The following POLR3B variants were observed in gnomAD, a reference collection of about 807,000 sequenced individuals.
POLR3B encodes DNA-directed RNA polymerase III subunit RPC2.
POLR3B carries 96 observed loss-of-function variants against 147.4 expected under a neutral mutation model. The ratio of observed to expected loss-of-function variants is 0.65; its 90% CI spans 0.55 to 0.77. The LOEUF is 0.77. POLR3B is among the 30% of genes least tolerant of loss of function. POLR3B has a pLI of 0.00. For missense variants in POLR3B, 1,036 were observed against 1,413.5 expected, an observed-to-expected ratio of 0.73 and a Z score of 4.28; for synonymous variants, 461 against 485.9, an observed-to-expected ratio of 0.95 and a Z score of 0.67.
At chr12:106,509,382 G>C in intron 27 of POLR3B, 38 bp from the exon 28 acceptor site, 1 of 1,611,814 alleles carries the variant, frequency 6.2e-7, no homozygotes, top group Non-Finnish European at 8.5e-7. Flanking sequence ...TTGTTTCCGA[G>C]TTGCTGTCTG....
At chr12:106,401,918 C>G (rs2037073891) in intron 10 of POLR3B, among the ~76,000 whole-genome samples, 3 of 152,208 alleles carry the variant, frequency 2.0e-5, no homozygotes, top group Non-Finnish European at 4.4e-5. Flanking sequence ...GGGATGCCCT[C>G]TCTCACCACT....
chr12:106,374,709 G>C (rs2036654735), intron 6 of POLR3B, among the ~76,000 whole-genome samples: 1 of 151,970 alleles, frequency 6.6e-6, no homozygotes, highest in Non-Finnish European at 1.5e-5. Flanking sequence ...GTAGAGATGG[G>C]GTTTCACCAC....
chr12:106,414,110 A>C (rs116075459), intron 12 of POLR3B, among the ~76,000 whole-genome samples: 38,061 of 150,012 alleles, frequency 0.25, 5,455 homozygotes, highest in African/African-American at 0.39. Context: ...ATATGCCATT[A>C]ATTATCAGGT....
chr12:106,411,184 G>A (rs1457754688), intron 12 of POLR3B, among the ~76,000 whole-genome samples: 3 of 151,972 alleles, frequency 2.0e-5, no homozygotes, highest in Non-Finnish European at 4.4e-5. Context: ...GGTTGCCCAG[G>A]CTGGAGTGCA....
At chr12:106,477,440 A>G (rs2038189817) in intron 23 of POLR3B, among the ~76,000 whole-genome samples, 1 of 140,864 alleles carries the variant, frequency 7.1e-6, no homozygotes, top group African/African-American at 2.8e-5. Context: ...AGCCTGGGCA[A>G]TGGCGGGCGC....
chr12:106,506,072 C>T (rs559511895), intron 27 of POLR3B, among the ~76,000 whole-genome samples: 1 of 152,226 alleles, frequency 6.6e-6, no homozygotes, highest in African/African-American at 2.4e-5. Context: ...TGACATGATT[C>T]CAAGGATAAG....
rs2038651860 is a variant in POLR3B, at chr12:106,504,356, C to A, written c.3272+102C>A. 1 of 932,146 alleles carries A rather than the reference C, an allele frequency of 1.1e-6. No homozygotes were observed. The highest frequency in any genetic ancestry group is 1.3e-5 in the South Asian group (1 of 76,166). 57.7% of individuals were successfully genotyped at this position (932,146 alleles called of 1,614,324 possible). A position where few individuals can be genotyped will look rare whatever the true frequency, so the allele number is the denominator to read the frequency against. ...TATCCGCATATTCTCCAGCCTCTGT[C>A]TGTGATCACTAACATACCCTCCCTC... On this transcript the variant is annotated intron_variant, in intron 27 of 27. Coordinates refer to ENST00000228347, the MANE Select transcript of POLR3B (RefSeq NM_018082.6). The surrounding 1 kb of genome is among the most constrained non-coding windows in gnomAD (Gnocchi z 4.6).
At chr12:106,482,275 T>C (rs1238777966) in intron 23 of POLR3B, among the ~76,000 whole-genome samples, 1 of 152,236 alleles carries the variant, frequency 6.6e-6, no homozygotes, top group Non-Finnish European at 1.5e-5. Flanking sequence ...ATTGTATATG[T>C]TGTTAAATAT....
intron 23 of POLR3B, among the ~76,000 whole-genome samples, chr12:106,472,436 A>T (rs1037338800): frequency 1.4e-4 from 21 of 148,274 alleles, no homozygotes; most frequent in Admixed American, 6.7e-4. Context: ...AGGAATCGCC[A>T]CACTGACTTC....
chr12:106,367,186 A>G (rs2036546476), intron 4 of POLR3B, among the ~76,000 whole-genome samples: 1 of 152,256 alleles, frequency 6.6e-6, no homozygotes, highest in Admixed American at 6.5e-5. Flanking sequence ...GGCAAATTAT[A>G]ATGAGCTATG....
chr12:106,443,640 C>A (rs2037682817), intron 18 of POLR3B, among the ~76,000 whole-genome samples: 1 of 151,238 alleles, frequency 6.6e-6, no homozygotes, highest in South Asian at 2.1e-4. Flanking sequence ...GCCTCAGCCT[C>A]CAGAGTAGCT....
chr12:106,376,122 AGG>A (rs1451835819), intron 6 of POLR3B, among the ~76,000 whole-genome samples: 3 of 152,212 alleles, frequency 2.0e-5, no homozygotes, highest in Non-Finnish European at 2.9e-5. Context: ...CTGGGATTAT[AGG>A]CATGAGCCAC....
At chr12:106,387,599 A>G (rs140175308) in intron 9 of POLR3B, among the ~76,000 whole-genome samples, 39 of 152,278 alleles carry the variant, frequency 2.6e-4, no homozygotes, top group African/African-American at 8.9e-4. Context: ...GGTCACTTTT[A>G]TTGGTCTCCC....
In POLR3B at chr12:106,454,588, A is replaced by C. The variant is rs754023038; in HGVS notation, c.2170A>C (p.Thr724Pro). The change falls in exon 20 of 28, where the codon ACC becomes CCC. Residue 724 changes from threonine to proline, a missense_variant. By Grantham distance (38) the Thr-to-Pro change is conservative (BLOSUM62 -1). Around this residue, in one of 12 missense-constraint regions of POLR3B, gnomAD observed 202 missense variants for 272.8 expected, o/e 0.74. Coordinates refer to ENST00000228347, the MANE Select transcript of POLR3B (RefSeq NM_018082.6). ...YPQKPMVKTK[T>P]IELIEFEKLP... ...ACAAAAACCCATGGTTAAGACAAAAACCATTGAATTGATAGAATTTGAGAA... is the reference window on the plus strand; with the variant it reads ...ACAAAAACCCATGGTTAAGACAAAACCCATTGAATTGATAGAATTTGAGAA... The C allele has an allele frequency of 2.5e-6, 4 of 1,608,956 alleles. No homozygotes were observed. In the South Asian group the frequency reaches 4.4e-5, roughly 18 times the overall value.
chr12:106,431,584 T>C (rs1220348767), intron 14 of POLR3B, among the ~76,000 whole-genome samples: 1 of 152,216 alleles, frequency 6.6e-6, no homozygotes, highest in East Asian at 1.9e-4. Context: ...ATTTTAGATA[T>C]ACAAAAAAGT....
chr12:106,408,719 A>G (rs2037181742), intron 11 of POLR3B, among the ~76,000 whole-genome samples: 1 of 152,210 alleles, frequency 6.6e-6, no homozygotes, highest in Non-Finnish European at 1.5e-5. Flanking sequence ...TCCACAGGTT[A>G]GTATCCCACA....
At chr12:106,483,237 T>A (rs1272608732) in intron 23 of POLR3B, among the ~76,000 whole-genome samples, 1 of 152,184 alleles carries the variant, frequency 6.6e-6, no homozygotes, top group Non-Finnish European at 1.5e-5. Flanking sequence ...CCCATATAAG[T>A]GGACCTGCAC....
chr12:106,426,222 T>TG (rs1555213087), intron 12 of POLR3B, among the ~76,000 whole-genome samples: 1,631 of 131,214 alleles, frequency 0.012, 11 homozygotes, highest in Non-Finnish European at 0.018. Flanking sequence ...GGCCTGCAAT[T>TG]TGTGTGTGTG....
chr12:106,406,108 C>G, intron 11 of POLR3B, 132 bp downstream of exon 11: 1 of 883,980 alleles, frequency 1.1e-6, no homozygotes, highest in Non-Finnish European at 1.8e-6. Context: ...CTGTACTGCC[C>G]CATCAGAAAT....
Sources: gnomAD v4.1 joint callset for allele counts (sites outside exome capture counted in the v4.1 genomes callset) on GRCh38, gnomAD v4.1.1 for gene constraint, gnomAD v4.1.1 regional missense constraint, Gnocchi (gnomAD v3.1) non-coding constraint, MANE v1.5 for transcripts, NCBI Gene and HGNC (gene_info 2026-07-23, HGNC 2026-07-21) for gene names.